WDR72: variants seen among roughly 807,000 people sequenced by gnomAD.
The protein encoded by WDR72 is WD repeat domain 72.
WDR72 carries 120 observed loss-of-function variants against 124.2 expected under a neutral mutation model. That is an observed-to-expected ratio of 0.97 (90% CI 0.83 to 1.12). The LOEUF (loss-of-function observed/expected upper bound fraction) is 1.12. WDR72 is among the 50% of genes most tolerant of loss of function. The pLI, the probability that WDR72 is intolerant of heterozygous loss-of-function variation, is 0.00. For missense variants in WDR72, 1,387 were observed against 1,278.8 expected (o/e 1.08, Z -1.29); for synonymous variants, 452 against 441.7 (o/e 1.02, Z -0.29).
At chr15:53,736,694 T>C (rs1213570175) in intron 1 of WDR72, among the ~76,000 whole-genome samples, 1 of 151,922 alleles carries the variant, frequency 6.6e-6, no homozygotes, top group Admixed American at 6.6e-5. Flanking sequence ...TCAGATGTAG[T>C]AAAGGAATAC....
intron 9 of WDR72, among the ~76,000 whole-genome samples, chr15:53,709,722 G>A (rs190630186): frequency 2.0e-4 from 30 of 152,294 alleles, no homozygotes; most frequent in Admixed American, 1.6e-3. Context: ...GATGCATGCC[G>A]TAATTATAAA....
intron 16 of WDR72, among the ~76,000 whole-genome samples, chr15:53,611,984 G>A (rs552203881): frequency 6.6e-6 from 1 of 152,052 alleles, no homozygotes; most frequent in Non-Finnish European, 1.5e-5. Flanking sequence ...AGCTTTGGAG[G>A]CAACATGTGC....
chr15:53,673,675 G>A (rs970843850), intron 13 of WDR72, among the ~76,000 whole-genome samples: 1 of 152,078 alleles, frequency 6.6e-6, no homozygotes, highest in African/African-American at 2.4e-5. Context: ...TGTGGAAAAA[G>A]CATATATATT....
intron 1 of WDR72, among the ~76,000 whole-genome samples, chr15:53,740,594 A>C (rs1409339241): frequency 2.0e-5 from 3 of 152,126 alleles, no homozygotes; most frequent in African/African-American, 7.2e-5. Context: ...CGATTCAACT[A>C]ATTTTGATGC....
intron 1 of WDR72, among the ~76,000 whole-genome samples, chr15:53,741,250 G>A (rs1376996100): frequency 1.3e-5 from 2 of 152,132 alleles, no homozygotes; most frequent in Non-Finnish European, 2.9e-5. Context: ...GGAGTTTATG[G>A]AGGTGAAAGT....
At chr15:53,652,526 AT>A (rs2140429640) in intron 14 of WDR72, among the ~76,000 whole-genome samples, 1 of 152,260 alleles carries the variant, frequency 6.6e-6, no homozygotes, top group South Asian at 2.1e-4. Flanking sequence ...CCCTCTTCAT[AT>A]TTATTACACT....
intron 18 of WDR72, among the ~76,000 whole-genome samples, chr15:53,569,099 G>C (rs1323351272): frequency 6.6e-6 from 1 of 151,694 alleles, no homozygotes; most frequent in Non-Finnish European, 1.5e-5. Flanking sequence ...CCTTTCACAG[G>C]ACTTATGGTC....
chr15:53,705,662 C>T (rs61358408), intron 10 of WDR72, among the ~76,000 whole-genome samples: 4,583 of 152,084 alleles, frequency 0.03, 178 homozygotes, highest in African/African-American at 0.087. Flanking sequence ...GGGGTTTCAC[C>T]GTGTTGCCCA....
At chr15:53,752,189 TA>T (rs1271633550) in intron 1 of WDR72, among the ~76,000 whole-genome samples, 2 of 152,220 alleles carry the variant, frequency 1.3e-5, no homozygotes, top group Non-Finnish European at 2.9e-5. Flanking sequence ...AATTTAAATT[TA>T]AAAAACAATT....
chr15:53,713,148 A>G (rs1033656755), intron 6 of WDR72, among the ~76,000 whole-genome samples: 10 of 149,264 alleles, frequency 6.7e-5, no homozygotes, highest in Non-Finnish European at 1.2e-4. Flanking sequence ...GTACTCCTGA[A>G]AGTTTAAAAA....
chr15:53,665,545 G>C, intron 14 of WDR72, 27 bp downstream of exon 14: 3 of 1,612,800 alleles, frequency 1.9e-6, no homozygotes, highest in Non-Finnish European at 1.7e-6. Context: ...AATGTTCTTT[G>C]TGAACAACAG....
chr15:53,663,466 C>A (rs2015675723), intron 14 of WDR72, among the ~76,000 whole-genome samples: 1 of 151,946 alleles, frequency 6.6e-6, no homozygotes, highest in African/African-American at 2.4e-5. Flanking sequence ...AAGGAATAAA[C>A]AAAATTATAT....
At chr15:53,588,801 T>C (rs539296218) in intron 18 of WDR72, among the ~76,000 whole-genome samples, 1 of 150,530 alleles carries the variant, frequency 6.6e-6, no homozygotes, top group South Asian at 2.1e-4. Flanking sequence ...AGAATTGCAT[T>C]TGATGGAGGA....
chr15:53,667,430 A>G (rs1408371209), intron 13 of WDR72, among the ~76,000 whole-genome samples: 1 of 41,524 alleles, frequency 2.4e-5, no homozygotes, highest in Non-Finnish European at 1.2e-4. Flanking sequence ...TTTATAAATT[A>G]GGAAAAAAAA....
At chr15:53,610,881 C>G (rs2013511287) in intron 16 of WDR72, among the ~76,000 whole-genome samples, 1 of 152,024 alleles carries the variant, frequency 6.6e-6, no homozygotes, top group Non-Finnish European at 1.5e-5. Context: ...CTTTGTGGAC[C>G]TTGTGACTCA....
At chr15:53,739,716 A>G (rs953990077) in intron 1 of WDR72, among the ~76,000 whole-genome samples, 1 of 152,178 alleles carries the variant, frequency 6.6e-6, no homozygotes, top group African/African-American at 2.4e-5. Flanking sequence ...TTTAGTATTG[A>G]GACAACGAAA....
intron 14 of WDR72, among the ~76,000 whole-genome samples, chr15:53,658,028 T>C (rs1200956087): frequency 6.6e-6 from 1 of 152,240 alleles, no homozygotes; most frequent in East Asian, 1.9e-4. Context: ...GCATTTTCCA[T>C]GTTAAAAAAT....
intron 1 of WDR72, among the ~76,000 whole-genome samples, chr15:53,734,479 G>A (rs1478784170): frequency 6.6e-6 from 1 of 152,064 alleles, no homozygotes; most frequent in Admixed American, 6.6e-5. Flanking sequence ...ACCTTCTTCT[G>A]CTTCAAACAC....
At chr15:53,689,188 T>G (rs1336522767) in intron 13 of WDR72, among the ~76,000 whole-genome samples, 2 of 152,030 alleles carry the variant, frequency 1.3e-5, no homozygotes, top group Non-Finnish European at 2.9e-5. Context: ...CCAAAAGCAA[T>G]GCCAACAAAA....
Sources: allele counts gnomAD v4.1 joint callset (sites outside exome capture counted in the v4.1 genomes callset), GRCh38; gene constraint gnomAD v4.1.1; transcripts MANE v1.5; gene names NCBI Gene and HGNC (gene_info 2026-07-23, HGNC 2026-07-21).